The following CSPP1 variants were observed in gnomAD, a reference collection of about 807,000 sequenced individuals.
CSPP1 encodes the protein centrosome and spindle pole associated protein 1, also known as centrosome and spindle pole-associated protein 1.
In CSPP1, 126 loss-of-function variants were observed where a neutral mutation model predicts 164.4. That is an observed-to-expected ratio of 0.77 (90% CI 0.66 to 0.89). The LOEUF is 0.89. Ranked by LOEUF, CSPP1 falls within the 40% of genes least tolerant of loss-of-function variation. The pLI, the probability that CSPP1 is intolerant of heterozygous loss-of-function variation, is 0.00. For synonymous variants in CSPP1, 472 were observed against 476.7 expected (o/e 0.99, Z 0.13); for missense variants, 1,395 against 1,449.8 (o/e 0.96, Z 0.61).
chr8:67,145,878 T>C (rs915437385), intron 17 of CSPP1, among the ~76,000 whole-genome samples: 1 of 152,118 alleles, frequency 6.6e-6, no homozygotes, highest in Middle Eastern at 3.2e-3. Flanking sequence ...ACCTTACTTA[T>C]TTTCTGTGCA....
Position 67,195,727 on chromosome 8 carries a change from T to TATCA in CSPP1, c.*135_*138dup. ...CATCATCTGTATATAAAATTATTTTTATCATGATGTATATTATGTACATAA... is the reference window on the plus strand; with the variant it reads ...CATCATCTGTATATAAAATTATTTTTATCAATCATGATGTATATTATGTACATAA... On this transcript the variant is annotated 3_prime_UTR_variant, in exon 31 of 31. Coordinates refer to ENST00000678616, the MANE Select transcript of CSPP1 (RefSeq NM_001382391.1). 1.5e-6 allele frequency: 1 copy of TATCA among 646,692 alleles called. No individual in the cohort carries two copies. The highest frequency in any genetic ancestry group is 2.0e-5 in the South Asian group (1 of 49,744). The allele number at this position is 646,692 out of a possible 1,614,324, so 40.1% of individuals were successfully genotyped here. A position where few individuals can be genotyped will look rare whatever the true frequency, so the allele number is the denominator to read the frequency against.
In CSPP1 at chr8:67,161,814, A is replaced by C; in HGVS notation, c.2542A>C (p.Met848Leu). Residue 848 changes from methionine (M) to leucine (L), a missense_variant, in exon 22 of 31, where the codon ATG becomes CTG. Physicochemically the swap from Met to Leu is conservative, Grantham distance 15. Transcript: ENST00000678616. Reference protein sequence around the residue: ...DNLIGEETKHMRQPSPIVPAL... With the variant: ...DNLIGEETKHLRQPSPIVPAL... ...TTAAATTTTTTAAATTTTTCAGCACATGAGACAGCCTTCTCCTATAGTTCC... is the reference window on the plus strand; with the variant it reads ...TTAAATTTTTTAAATTTTTCAGCACCTGAGACAGCCTTCTCCTATAGTTCC... 6.2e-7 allele frequency: 1 copy of C among 1,610,698 alleles called. No individual in the cohort carries two copies. The highest frequency in any genetic ancestry group is 8.5e-7 in the Non-Finnish European group (1 of 1,177,854).
intron 4 of CSPP1, among the ~76,000 whole-genome samples, chr8:67,090,272 A>G (rs1036292537): frequency 5.3e-5 from 8 of 152,178 alleles, no homozygotes; most frequent in Admixed American, 2.0e-4. Context: ...TTGTAAATTC[A>G]GATTTAATGA....
In CSPP1 at chr8:67,105,812, A is replaced by G. The variant is rs563306133; in HGVS notation, c.1023-93A>G. The G allele has an allele frequency of 3.9e-5, 28 of 714,856 alleles. No homozygotes were observed. In the African/African-American group the frequency reaches 4.2e-4, roughly 11 times the overall value. The allele number at this position is 714,856 out of a possible 1,614,324, so 44.3% of individuals were successfully genotyped here. On this transcript the variant is annotated intron_variant, in intron 8 of 30. Transcript: ENST00000678616. ...AATGTCCATAGTACTTTGAAAGGCT[A>G]ATAATTCATAGCTACATTTTACTCT...
chr8:67,093,763 C>A, intron 6 of CSPP1, 122 bp downstream of exon 6: 1 of 510,806 alleles, frequency 2.0e-6, no homozygotes. Flanking sequence ...CAAAATTAAG[C>A]CAAATTAAAC....
intron 1 of CSPP1, among the ~76,000 whole-genome samples, chr8:67,068,295 C>G (rs1806008263): frequency 6.6e-6 from 1 of 152,160 alleles, no homozygotes; most frequent in Non-Finnish European, 1.5e-5. Context: ...TGAGGTCATT[C>G]ATGTTGAGAT....
At chr8:67,130,161 G>T (rs1272281814) in intron 15 of CSPP1, among the ~76,000 whole-genome samples, 1 of 152,158 alleles carries the variant, frequency 6.6e-6, no homozygotes, top group Non-Finnish European at 1.5e-5. Flanking sequence ...TTTGGTATAG[G>T]CAGAGAGTCC....
Position 67,159,220 on chromosome 8 carries a change from G to A in CSPP1, c.2538+83G>A, listed in dbSNP as rs1030815303. 3 of 1,277,000 alleles carry A rather than the reference G, an allele frequency of 2.3e-6. No individual in the cohort carries two copies. The African/African-American group carries it at 4.5e-5, about 19-fold the overall frequency. The allele number at this position is 1,277,000 out of a possible 1,614,324, so 79.1% of individuals were successfully genotyped here. A position where few individuals can be genotyped will look rare whatever the true frequency, so the allele number is the denominator to read the frequency against. On this transcript the variant is annotated intron_variant, in intron 21 of 30. Transcript: ENST00000678616. ...GAGTTGTACAGTTGTTAGAAAAGGG[G>A]AGAAAGAGGAGGAGGTGCTTTTGTT...
intron 8 of CSPP1, among the ~76,000 whole-genome samples, 165 bp from the exon 9 acceptor site, chr8:67,105,740 T>G (rs777826811): frequency 1.3e-5 from 2 of 152,198 alleles, no homozygotes; most frequent in Non-Finnish European, 2.9e-5. Context: ...TATAAAGAGA[T>G]AGAATGCCAT....
intron 7 of CSPP1, among the ~76,000 whole-genome samples, chr8:67,100,245 C>A (rs1214618464): frequency 1.3e-5 from 2 of 152,036 alleles, no homozygotes; most frequent in Non-Finnish European, 2.9e-5. Context: ...AGCAAAGAGA[C>A]CTTAACCTTA....
At chr8:67,177,487 G>A (rs1289832504) in intron 26 of CSPP1, among the ~76,000 whole-genome samples, 193 bp from the exon 27 acceptor site, 1 of 152,190 alleles carries the variant, frequency 6.6e-6, no homozygotes, top group Non-Finnish European at 1.5e-5. Flanking sequence ...ATGTGAATGG[G>A]AGAATTTTAT....
chr8:67,160,230 C>T (rs1586623291), intron 21 of CSPP1, among the ~76,000 whole-genome samples: 1 of 150,534 alleles, frequency 6.6e-6, no homozygotes, highest in Non-Finnish European at 1.5e-5. Flanking sequence ...AATTTAAGGT[C>T]GAGGCAGGCG....
At chr8:67,159,891 T>TC (rs1827580291) in intron 21 of CSPP1, among the ~76,000 whole-genome samples, 1 of 68,118 alleles carries the variant, frequency 1.5e-5, no homozygotes, top group East Asian at 4.0e-4. Context: ...TTTCTTTCTT[T>TC]CTTTCTTTCT....
At chr8:67,136,260 C>T (rs2129554942) in intron 16 of CSPP1, among the ~76,000 whole-genome samples, 1 of 152,110 alleles carries the variant, frequency 6.6e-6, no homozygotes, top group Non-Finnish European at 1.5e-5. Flanking sequence ...TTGCCACAAA[C>T]CTTCGATTTG....
chr8:67,074,211 A>T, intron 1 of CSPP1, 32 bp from the exon 2 acceptor site: 1 of 1,262,000 alleles, frequency 7.9e-7, no homozygotes, highest in Non-Finnish European at 1.2e-6. Context: ...ATACTGTGAT[A>T]TAGATACGCT....
chr8:67,069,962 G>A (rs1806376578), intron 1 of CSPP1, among the ~76,000 whole-genome samples: 1 of 151,906 alleles, frequency 6.6e-6, no homozygotes, highest in Admixed American at 6.6e-5. Context: ...CCCCAACCTA[G>A]ATAAATGACA....
chr8:67,104,325 CATATT>C (rs1200576277), intron 8 of CSPP1, among the ~76,000 whole-genome samples: 1 of 149,496 alleles, frequency 6.7e-6, no homozygotes, highest in Non-Finnish European at 1.5e-5. Flanking sequence ...AGTGCAGTGA[CATATT>C]ATAGCTCACT....
intron 16 of CSPP1, chr8:67,135,406 C>T (rs1263877630): frequency 6.6e-6 from 1 of 152,182 alleles, no homozygotes; most frequent in Non-Finnish European, 1.5e-5. Flanking sequence ...AAGTGATCCG[C>T]CCACCTTGGC....
At chr8:67,161,741 GT>G in intron 21 of CSPP1, 69 bp from the exon 22 acceptor site, 1 of 757,900 alleles carries the variant, frequency 1.3e-6, no homozygotes. Flanking sequence ...TATAAGGGGT[GT>G]GTGTGTGTGT....
Sources: allele counts gnomAD v4.1 joint callset (sites outside exome capture counted in the v4.1 genomes callset), GRCh38; gene constraint gnomAD v4.1.1; transcripts MANE v1.5; gene names NCBI Gene and HGNC (gene_info 2026-07-23, HGNC 2026-07-21).